The following DCAF10 variants were observed in gnomAD, a reference collection of about 807,000 sequenced individuals.
DCAF10 encodes the protein DDB1- and CUL4-associated factor 10.
In DCAF10, 19 loss-of-function variants were observed where a neutral mutation model predicts 51.9. That is an observed-to-expected ratio of 0.37 (90% CI 0.26 to 0.54). The LOEUF is 0.54. Ranked by LOEUF, DCAF10 falls within the 20% of genes least tolerant of loss-of-function variation. DCAF10 has a pLI of 0.87. For missense variants in DCAF10, 510 were observed against 730.6 expected (o/e 0.70, Z 3.48); for synonymous variants, 291 against 297.1 (o/e 0.98, Z 0.21).
In DCAF10 at chr9:37,829,881, C is replaced by T. The variant is rs903490954; in HGVS notation, c.653+10480C>T. 6.6e-6 allele frequency among the ~76,000 whole-genome samples: 1 copy of T among 151,882 alleles called. No individual in the cohort carries two copies. The highest frequency in any genetic ancestry group is 2.4e-5 in the African/African-American group (1 of 41,338). On this transcript the variant is annotated intron_variant, in intron 2 of 6. Coordinates refer to ENST00000377724, the MANE Select transcript of DCAF10 (RefSeq NM_024345.5). The surrounding 1 kb of genome is among the most constrained non-coding windows in gnomAD (Gnocchi z 4.2). ...AATTAGCCAGGTGTAGTTGCACGTG[C>T]CTATAGTCCCAGCTACTTAGAAAGC...
chr9:37,860,491 CTAAA>C (rs952416581), intron 6 of DCAF10: 62 of 262,542 alleles, frequency 2.4e-4, no homozygotes, highest in Non-Finnish European at 3.9e-4. Flanking sequence ...TCATCTCACC[CTAAA>C]CAAACAAACA....
At chr9:37,834,618 C>T (rs970543312) in intron 2 of DCAF10, among the ~76,000 whole-genome samples, 4 of 152,186 alleles carry the variant, frequency 2.6e-5, no homozygotes, top group Non-Finnish European at 4.4e-5. Flanking sequence ...AATATAACCC[C>T]ACTGGGGTTT....
chr9:37,817,931 T>C (rs1380909584), intron 1 of DCAF10, among the ~76,000 whole-genome samples: 1 of 152,116 alleles, frequency 6.6e-6, no homozygotes, highest in Non-Finnish European at 1.5e-5. Context: ...AACTTTGAAG[T>C]CCAGATGTCT....
At chr9:37,850,742 T>A (rs1830606387) in intron 3 of DCAF10, among the ~76,000 whole-genome samples, 1 of 149,342 alleles carries the variant, frequency 6.7e-6, no homozygotes, top group Admixed American at 6.7e-5. Context: ...GACAATTTAC[T>A]GTTGTTATTA....
At position 37,867,646 on chromosome 9, in the gene DCAF10, T is replaced by G. The variant is rs1039142476; in HGVS notation, c.*6138T>G. The stretch of plus-strand genomic sequence containing the variant: ...GACTTGACACAGAGTAGTTGTTCAA[T>G]AAATATTTGTTGAATGAATCAAATG... On this transcript the variant is annotated 3_prime_UTR_variant, in exon 7 of 7. Coordinates refer to ENST00000377724, the MANE Select transcript of DCAF10 (RefSeq NM_024345.5). 6.6e-6 allele frequency: 1 copy of G among 152,198 alleles called. No individual in the cohort carries two copies. The highest frequency in any genetic ancestry group is 1.5e-5 in the Non-Finnish European group (1 of 68,042). The allele number at this position is 152,198 out of a possible 1,614,324, so 9.4% of individuals were successfully genotyped here.
At chr9:37,836,227 T>TAGAA (rs1216104453) in intron 2 of DCAF10, 2 of 1,535,564 alleles carry the variant, frequency 1.3e-6, no homozygotes, top group East Asian at 4.5e-5. Flanking sequence ...TGTTTAGAGT[T>TAGAA]AGAACATCTA....
At chr9:37,848,983 A>C (rs1272101157) in intron 3 of DCAF10, among the ~76,000 whole-genome samples, 2 of 152,104 alleles carry the variant, frequency 1.3e-5, no homozygotes, top group Non-Finnish European at 2.9e-5. Context: ...AAAAAAAAAA[A>C]AAAAAAAACT....
chr9:37,832,239 C>T (rs1830029843), intron 2 of DCAF10: 1 of 151,096 alleles, frequency 6.6e-6, no homozygotes, highest in Non-Finnish European at 1.5e-5. Flanking sequence ...GGGCGGACCA[C>T]CTGAGGTCAG....
intron 1 of DCAF10, among the ~76,000 whole-genome samples, chr9:37,810,237 A>G (rs769263141): frequency 9.2e-5 from 14 of 152,202 alleles, no homozygotes; most frequent in Admixed American, 3.3e-4. Flanking sequence ...ATAATCAGAA[A>G]AGCTAGAGAA....
At chr9:37,822,088 A>T (rs891937732) in intron 2 of DCAF10, among the ~76,000 whole-genome samples, 3 of 152,198 alleles carry the variant, frequency 2.0e-5, no homozygotes, top group African/African-American at 7.2e-5. Flanking sequence ...CTCCTGTAAG[A>T]ATGGCCATAA....
Position 37,801,716 on chromosome 9 carries a change from A to G in DCAF10, c.539+311A>G, listed in dbSNP as rs1358982474. On this transcript the variant is annotated intron_variant, in intron 1 of 6. Transcript: ENST00000377724. The surrounding 1 kb of genome is among the most constrained non-coding windows in gnomAD (Gnocchi z 5.5). ...CCACAACTAGGGCTTTCTGGTACAC[A>G]GTAGGTGCTCAGTAAATACATTTTG... is the stretch of plus-strand genomic sequence containing the variant. Among the ~76,000 whole-genome samples the G allele has an allele frequency of 6.6e-6, 1 of 152,234 alleles. No individual in the cohort carries two copies. Among genetic ancestry groups the G allele is most frequent in the Non-Finnish European group, 1.5e-5 (1 of 68,036 alleles).
At position 37,829,313 on chromosome 9, in the gene DCAF10, G is replaced by T. The variant is rs1374989904; in HGVS notation, c.653+9912G>T. Among the ~76,000 whole-genome samples the T allele has an allele frequency of 6.6e-6, 1 of 152,128 alleles. No homozygotes were observed. The highest frequency in any genetic ancestry group is 2.4e-5 in the African/African-American group (1 of 41,416). The stretch of plus-strand genomic sequence containing the variant: ...AAATTAGCCGGGCATGGTCGTGCAT[G>T]CCTGTAATCCCAGCTACTCGGGAGG... On this transcript the variant is annotated intron_variant, in intron 2 of 6. Transcript: ENST00000377724. This position sits in a 1 kb window ranked among gnomAD's most constrained non-coding sequence, Gnocchi z 4.2.
chr9:37,847,946 G>A (rs1830526550), intron 3 of DCAF10, among the ~76,000 whole-genome samples: 1 of 152,104 alleles, frequency 6.6e-6, no homozygotes, highest in Admixed American at 6.5e-5. Context: ...AGAGGTATGA[G>A]ATTTGTACAC....
intron 3 of DCAF10, among the ~76,000 whole-genome samples, chr9:37,852,473 C>T (rs987732222): frequency 2.0e-5 from 3 of 152,220 alleles, no homozygotes; most frequent in Middle Eastern, 3.4e-3. Context: ...TGGTGCACAC[C>T]TGTAGTTCCA....
At chr9:37,800,700 G>T (rs1398106207), upstream of DCAF10, 1 of 1,535,926 alleles carries the variant, frequency 6.5e-7, no homozygotes, top group Non-Finnish European at 8.7e-7. Context: ...CCCAAACCCG[G>T]CGGTGTCTCA....
At chr9:37,823,605 G>A (rs890697946) in intron 2 of DCAF10, among the ~76,000 whole-genome samples, 1 of 150,912 alleles carries the variant, frequency 6.6e-6, no homozygotes, top group Non-Finnish European at 1.5e-5. Context: ...TTGGCGGGGG[G>A]TACATGTAAA....
intron 1 of DCAF10, among the ~76,000 whole-genome samples, chr9:37,815,808 T>TG (rs1353376824): frequency 6.6e-6 from 1 of 151,968 alleles, no homozygotes; most frequent in Non-Finnish European, 1.5e-5. Flanking sequence ...GCCAAAAAAA[T>TG]TTTTTTTGAG....
chr9:37,861,313 T>C lies in DCAF10; in HGVS notation c.1485T>C (p.Ile495=). 6.2e-7 allele frequency: 1 copy of C among 1,614,224 alleles called. No homozygotes were observed. Among genetic ancestry groups the C allele is most frequent in the Non-Finnish European group, 8.5e-7 (1 of 1,180,030 alleles). ...RMISSPHGYG[I]RLLGFDKQCS... Reference sequence around the variant, plus strand: ...TTTCTTCCCCACATGGCTATGGGATTCGCTTGTTGGGATTTGACAAACAGT... The same window carrying C: ...TTTCTTCCCCACATGGCTATGGGATCCGCTTGTTGGGATTTGACAAACAGT... The change falls in exon 7 of 7, where the codon ATT becomes ATC. Residue 495 remains isoleucine (I), a synonymous_variant. Coordinates refer to ENST00000377724, the MANE Select transcript of DCAF10 (RefSeq NM_024345.5). The surrounding 1 kb of genome is among the most constrained non-coding windows in gnomAD (Gnocchi z 4.9).
intron 1 of DCAF10, among the ~76,000 whole-genome samples, chr9:37,803,576 C>G (rs1191056852): frequency 6.6e-6 from 1 of 151,198 alleles, no homozygotes; most frequent in African/African-American, 2.4e-5. Flanking sequence ...CCCTTGGCAA[C>G]ACTGCATACT....
Sources: allele counts gnomAD v4.1 joint callset (sites outside exome capture counted in the v4.1 genomes callset), GRCh38; gene constraint gnomAD v4.1.1; non-coding constraint Gnocchi (gnomAD v3.1); transcripts MANE v1.5; gene names NCBI Gene and HGNC (gene_info 2026-07-23, HGNC 2026-07-21).